Variants in NFE2L2 observed in about 807,000 individuals in gnomAD.
The protein encoded by NFE2L2 is nuclear factor erythroid 2-related factor 2.
NFE2L2 carries 20 observed loss-of-function variants against 49.6 expected under a neutral mutation model. The observed-to-expected ratio is 0.40, with a 90% CI of 0.28 to 0.59. The LOEUF is 0.59. Ranked by LOEUF, NFE2L2 falls within the 20% of genes least tolerant of loss-of-function variation. The pLI is 0.40. For missense variants in NFE2L2, 578 were observed against 714.2 expected, an observed-to-expected ratio of 0.81 and a Z score of 2.17; for synonymous variants, 244 against 256.5, an observed-to-expected ratio of 0.95 and a Z score of 0.47.
intron 1 of NFE2L2, among the ~76,000 whole-genome samples, chr2:177,258,101 T>C (rs1690594136): frequency 6.6e-6 from 1 of 152,192 alleles, no homozygotes; most frequent in Non-Finnish European, 1.5e-5. Context: ...GTTTTTTAAA[T>C]ACTGATGGTG....
intron 1 of NFE2L2, among the ~76,000 whole-genome samples, chr2:177,242,741 T>G (rs1446711714): frequency 6.6e-6 from 1 of 152,090 alleles, no homozygotes; most frequent in Non-Finnish European, 1.5e-5. Context: ...AAGCAAGAAT[T>G]TGGATTATTT....
chr2:177,237,159 T>C (rs1049733533), intron 1 of NFE2L2, among the ~76,000 whole-genome samples: 3 of 152,206 alleles, frequency 2.0e-5, no homozygotes, highest in African/African-American at 4.8e-5. Context: ...TCCACTGTGC[T>C]TGGCCTTTTT....
intron 1 of NFE2L2, among the ~76,000 whole-genome samples, chr2:177,261,675 C>T (rs1334625573): frequency 2.0e-5 from 3 of 152,198 alleles, no homozygotes; most frequent in Non-Finnish European, 4.4e-5. Flanking sequence ...AATAATATTT[C>T]CCGTGAGGTT....
Position 177,234,165 on chromosome 2 carries a change from T to G in NFE2L2, c.152A>C (p.Gln51Pro). Residue 51 changes from glutamine to proline, a missense_variant, in exon 2 of 5, where the codon CAG (glutamine) becomes CCG (proline). Around this residue, in one of 3 missense-constraint regions of NFE2L2, gnomAD observed 93 missense variants for 153.9 expected, o/e 0.60. Transcript: ENST00000397062. The stretch of plus-strand genomic sequence containing the variant: ...TTGTCTTTCCTTTTCAAGTTTTTTC[T>G]GTTTTTCCAGCTCATACTCTTTCCG... ...QRRKEYELEK[Q>P]KKLEKERQEQ... 6.2e-7 allele frequency: 1 copy of G among 1,614,218 alleles called. No individual in the cohort carries two copies.
At chr2:177,234,725 G>A (rs918916024) in intron 1 of NFE2L2, among the ~76,000 whole-genome samples, 1 of 152,172 alleles carries the variant, frequency 6.6e-6, no homozygotes, top group African/African-American at 2.4e-5. Context: ...AGTTTATAGA[G>A]GGATAACTCT....
chr2:177,245,848 G>C, intron 1 of NFE2L2, among the ~76,000 whole-genome samples: 1 of 152,192 alleles, frequency 6.6e-6, no homozygotes, highest in Non-Finnish European at 1.5e-5. Flanking sequence ...GACCTCAGAT[G>C]ATCTGCCTGC....
chr2:177,236,833 GTTTT>G (rs989431908), intron 1 of NFE2L2, among the ~76,000 whole-genome samples: 1 of 151,450 alleles, frequency 6.6e-6, no homozygotes, highest in Admixed American at 6.6e-5. Flanking sequence ...ATTTTTTCGG[GTTTT>G]TTTTCCACTT....
intron 1 of NFE2L2, among the ~76,000 whole-genome samples, chr2:177,237,048 T>A (rs2364718): frequency 2.0e-4 from 30 of 152,094 alleles, no homozygotes; most frequent in Non-Finnish European, 3.7e-4. Context: ...TTTGTAGAGA[T>A]GGCGTCTTGC....
chr2:177,253,842 A>C (rs1690425385), intron 1 of NFE2L2, among the ~76,000 whole-genome samples: 1 of 152,250 alleles, frequency 6.6e-6, no homozygotes, highest in Non-Finnish European at 1.5e-5. Flanking sequence ...TAAGAGAACA[A>C]ATGTGATAAT....
At chr2:177,241,595 C>T (rs1689938186) in intron 1 of NFE2L2, among the ~76,000 whole-genome samples, 1 of 152,184 alleles carries the variant, frequency 6.6e-6, no homozygotes, top group African/African-American at 2.4e-5. Context: ...CGGTGGCTCA[C>T]ACCTGTAATC....
intron 1 of NFE2L2, among the ~76,000 whole-genome samples, chr2:177,238,930 G>A (rs1409039720): frequency 6.6e-6 from 1 of 152,188 alleles, no homozygotes; most frequent in Non-Finnish European, 1.5e-5. Context: ...TGGGGGTAAT[G>A]GTGATGGCAG....
intron 1 of NFE2L2, chr2:177,263,698 A>G (rs1165193125): frequency 1.0e-6 from 1 of 984,976 alleles, no homozygotes; most frequent in Non-Finnish European, 1.2e-6. Flanking sequence ...GGTGCCGCCG[A>G]CTCCGGCCTC....
In NFE2L2 at chr2:177,242,310, A is replaced by G. The variant is rs189392144; in HGVS notation, c.46-8039T>C. On this transcript the variant is annotated intron_variant, in intron 1 of 4. Transcript: ENST00000397062. ...TAAAAAAAATAACTGGCCTAGCAAC[A>G]TGTTGTATACATCAGCAGAGACATT... Among the ~76,000 whole-genome samples the G allele has an allele frequency of 4.8e-4, 73 of 152,366 alleles. 2 individuals are homozygous for G. The highest frequency in any genetic ancestry group is 1.6e-3 in the African/African-American group (68 of 41,594).
chr2:177,240,148 C>G (rs1319659666), intron 1 of NFE2L2, among the ~76,000 whole-genome samples: 2 of 152,168 alleles, frequency 1.3e-5, no homozygotes, highest in Admixed American at 1.3e-4. Flanking sequence ...AAATAATCGT[C>G]TGGGTGGAGC....
At chr2:177,263,968 G>C in intron 1 of NFE2L2, 2 of 984,318 alleles carry the variant, frequency 2.0e-6, no homozygotes, top group Non-Finnish European at 2.4e-6. Flanking sequence ...ACGGCCCAGC[G>C]GGGTGAGCGC....
intron 1 of NFE2L2, among the ~76,000 whole-genome samples, chr2:177,238,323 T>G (rs181166091): frequency 2.1e-4 from 32 of 152,304 alleles, no homozygotes; most frequent in Admixed American, 2.0e-4. Context: ...CAACCAACCC[T>G]CATGAGCTGG....
In NFE2L2 at chr2:177,264,512, C is replaced by G; in HGVS notation, c.45+20G>C. On this transcript the variant is annotated intron_variant, in intron 1 of 4. Transcript: ENST00000397062. The stretch of plus-strand genomic sequence containing the variant: ...CCCCGTCCCGGCACCACCGCAGGGC[C>G]CAGAGGGCCGAGGCAGCACCTGCTG... The G allele has an allele frequency of 6.6e-7, 1 of 1,523,808 alleles. No homozygotes were observed. The allele number at this position is 1,523,808 out of a possible 1,614,324, so 94.4% of individuals were successfully genotyped here.
rs529192853 is a variant in NFE2L2 at position 177,232,027 on chromosome 2, T to C, written c.595-19A>G. 187 of 1,558,698 alleles carry C rather than the reference T, an allele frequency of 1.2e-4. 1 individual carries two copies. In the South Asian group the frequency reaches 2.1e-3, roughly 17 times the overall value. On this transcript the variant is annotated intron_variant, in intron 4 of 4. Transcript: ENST00000397062. Reference sequence around the variant, plus strand: ...TAAGACACTGCATGAGAAGGAAGTTTATACTATATAAATCAAAGTTAATCC... The same window carrying C: ...TAAGACACTGCATGAGAAGGAAGTTCATACTATATAAATCAAAGTTAATCC...
intron 3 of NFE2L2, chr2:177,232,920 C>T: frequency 2.1e-6 from 1 of 473,034 alleles, no homozygotes; most frequent in Non-Finnish European, 3.7e-6. Context: ...TCGTTTATTG[C>T]CCAGCTGGCT....
Sources: gnomAD v4.1 joint callset for allele counts (sites outside exome capture counted in the v4.1 genomes callset) on GRCh38, gnomAD v4.1.1 for gene constraint, gnomAD v4.1.1 regional missense constraint, MANE v1.5 for transcripts, NCBI Gene and HGNC (gene_info 2026-07-23, HGNC 2026-07-21) for gene names.